PCDHA11: variants seen among roughly 807,000 people sequenced by gnomAD.
PCDHA11 encodes the protein protocadherin alpha-11.
PCDHA11 carries 61 observed loss-of-function variants against 70.3 expected under a neutral mutation model. That is an observed-to-expected ratio of 0.87 (90% CI 0.71 to 1.07). The LOEUF is 1.07. Ranked by LOEUF, PCDHA11 falls within the 50% of genes least tolerant of loss-of-function variation. PCDHA11 has a pLI of 0.00. For synonymous variants in PCDHA11, 633 were observed against 555.1 expected, an observed-to-expected ratio of 1.14 and a Z score of -1.97; for missense variants, 1,324 against 1,237.5, an observed-to-expected ratio of 1.07 and a Z score of -1.05.
At chr5:140,874,957 T>C (rs1330073461) in intron 1 of PCDHA11, among the ~76,000 whole-genome samples, 3 of 152,350 alleles carry the variant, frequency 2.0e-5, no homozygotes, top group African/African-American at 7.2e-5. Flanking sequence ...TTGTAAGCTA[T>C]ATAAGGGGAG....
intron 1 of PCDHA11, among the ~76,000 whole-genome samples, chr5:140,893,927 T>C (rs1251170255): frequency 1.3e-5 from 2 of 152,212 alleles, no homozygotes; most frequent in Non-Finnish European, 2.9e-5. Flanking sequence ...TTTCAGAATC[T>C]CTACCTGTTA....
At chr5:140,900,014 T>C (rs1002415971) in intron 1 of PCDHA11, among the ~76,000 whole-genome samples, 1 of 152,032 alleles carries the variant, frequency 6.6e-6, no homozygotes, top group African/African-American at 2.4e-5. Flanking sequence ...CTCACTTTGT[T>C]ACCCAGTTTG....
intron 1 of PCDHA11, among the ~76,000 whole-genome samples, chr5:140,895,848 G>C (rs147299280): frequency 2.2e-3 from 342 of 152,098 alleles, no homozygotes; most frequent in African/African-American, 8.1e-3. Context: ...TCTCACTCTT[G>C]TACCCCAGGC....
intron 1 of PCDHA11, among the ~76,000 whole-genome samples, chr5:140,961,630 C>A (rs1387087976): frequency 1.3e-5 from 2 of 152,136 alleles, no homozygotes; most frequent in Non-Finnish European, 2.9e-5. Context: ...ATATGAAAAA[C>A]AATCTTAAGT....
chr5:140,967,682 C>G, intron 1 of PCDHA11: 2 of 1,614,176 alleles, frequency 1.2e-6, no homozygotes, highest in South Asian at 2.2e-5. Context: ...CCGGGAGAGG[C>G]AGCTCTTCAG....
At chr5:140,898,383 G>A (rs1416953064) in intron 1 of PCDHA11, among the ~76,000 whole-genome samples, 1 of 152,164 alleles carries the variant, frequency 6.6e-6, no homozygotes, top group South Asian at 2.1e-4. Flanking sequence ...GTAAGGAAGG[G>A]ATCCAGTTTC....
chr5:140,954,405 G>T (rs246023), intron 1 of PCDHA11, among the ~76,000 whole-genome samples: 85,299 of 151,648 alleles, frequency 0.56, 24,568 homozygotes, highest in African/African-American at 0.69. Context: ...CCACCAACAG[G>T]GTAAAGGTGT....
Position 141,009,469 on chromosome 5 carries a change from A to G in PCDHA11, c.2540-158A>G, listed in dbSNP as rs1440766583. On this transcript the variant is annotated intron_variant, in intron 3 of 3. Transcript: ENST00000398640. Reference sequence around the variant, plus strand: ...AAAAAAATTAAACAAATAAATAAATAAGTAAACACTTGCCTTGCCCTCAGA... The same window carrying G: ...AAAAAAATTAAACAAATAAATAAATGAGTAAACACTTGCCTTGCCCTCAGA... 6 of 956,242 alleles carry G rather than the reference A, an allele frequency of 6.3e-6. No homozygotes were observed. The African/African-American group carries it at 7.1e-5, about 11-fold the overall frequency. 59.2% of individuals were successfully genotyped at this position (956,242 alleles called of 1,614,324 possible). A position where few individuals can be genotyped will look rare whatever the true frequency, so the allele number is the denominator to read the frequency against.
intron 1 of PCDHA11, among the ~76,000 whole-genome samples, chr5:140,881,006 G>A (rs2058554707): frequency 6.6e-6 from 1 of 152,172 alleles, no homozygotes; most frequent in South Asian, 2.1e-4. Flanking sequence ...GGAGAGCAGA[G>A]CTATGGAAAT....
chr5:140,977,032 A>G (rs1488885995), intron 1 of PCDHA11, among the ~76,000 whole-genome samples: 3 of 152,212 alleles, frequency 2.0e-5, no homozygotes, highest in African/African-American at 7.2e-5. Flanking sequence ...TGAATCTAAG[A>G]AGGATGTTGT....
At chr5:140,975,876 A>G (rs573852863) in intron 1 of PCDHA11, among the ~76,000 whole-genome samples, 1 of 152,230 alleles carries the variant, frequency 6.6e-6, no homozygotes, top group South Asian at 2.1e-4. Context: ...TACCTAATTG[A>G]TTTTTTCCAC....
At chr5:140,895,435 C>T (rs2065005335) in intron 1 of PCDHA11, among the ~76,000 whole-genome samples, 2 of 152,134 alleles carry the variant, frequency 1.3e-5, no homozygotes, top group African/African-American at 4.8e-5. Context: ...CCTCCTGAGA[C>T]TCTTTTCATG....
intron 1 of PCDHA11, chr5:140,883,054 C>T: frequency 6.2e-7 from 1 of 1,614,072 alleles, no homozygotes; most frequent in South Asian, 1.1e-5. Context: ...CATTAGTGAT[C>T]AAGCTAAATG....
chr5:140,944,881 T>C (rs1554216593), intron 1 of PCDHA11, among the ~76,000 whole-genome samples: 1 of 152,180 alleles, frequency 6.6e-6, no homozygotes, highest in Non-Finnish European at 1.5e-5. Flanking sequence ...CCTACTCCAC[T>C]GTACAGTTCC....
chr5:140,883,151 A>G (rs1317370821), intron 1 of PCDHA11: 1 of 1,613,978 alleles, frequency 6.2e-7, no homozygotes, highest in Non-Finnish European at 8.5e-7. Flanking sequence ...TGCATTTACC[A>G]TAAATCCGAA....
At chr5:140,912,465 C>T (rs2153521985) in intron 1 of PCDHA11, among the ~76,000 whole-genome samples, 1 of 151,968 alleles carries the variant, frequency 6.6e-6, no homozygotes, top group South Asian at 2.1e-4. Context: ...TATCCTGGAA[C>T]TTTACTGAAT....
At chr5:140,880,586 G>C (rs1212732393) in intron 1 of PCDHA11, among the ~76,000 whole-genome samples, 1 of 152,206 alleles carries the variant, frequency 6.6e-6, no homozygotes, top group African/African-American at 2.4e-5. Context: ...AGAGGAAAGA[G>C]AATATGGAAG....
rs76033389 is a variant in PCDHA11, at chr5:140,874,549, G to A, written c.2391+3055G>A. Among the ~76,000 whole-genome samples, 707 of 152,298 alleles carry A rather than the reference G, an allele frequency of 4.6e-3. 3 individuals are homozygous for A. The highest frequency in any genetic ancestry group is 0.016 in the African/African-American group (683 of 41,566). On this transcript the variant is annotated intron_variant, in intron 1 of 3. Transcript: ENST00000398640. ...GATTAGGCTCCAAAACCCTTTAAGA[G>A]ATCTTTCGCATTTTAGTGCTCCATT...
At chr5:140,877,414 C>T (rs1554169712) in intron 1 of PCDHA11, 22 of 1,613,930 alleles carry the variant, frequency 1.4e-5, no homozygotes, top group Non-Finnish European at 1.8e-5. Context: ...CCACCGCCTG[C>T]TGGTGCTGGT....
Sources: allele counts gnomAD v4.1 joint callset (sites outside exome capture counted in the v4.1 genomes callset), GRCh38; gene constraint gnomAD v4.1.1; transcripts MANE v1.5; gene names NCBI Gene and HGNC (gene_info 2026-07-23, HGNC 2026-07-21).